IL12RB2: variants seen among roughly 807,000 people sequenced by gnomAD.
The protein encoded by IL12RB2 is interleukin 12 receptor subunit beta 2.
In IL12RB2, 82 loss-of-function variants were observed where a neutral mutation model predicts 89.4. The ratio of observed to expected loss-of-function variants is 0.92; its 90% CI spans 0.77 to 1.10. The LOEUF is 1.10. Ranked by LOEUF, IL12RB2 falls within the 50% of genes least tolerant of loss-of-function variation. IL12RB2 has a pLI of 0.00. For missense variants in IL12RB2, 963 were observed against 1,031.9 expected (o/e 0.93, Z 0.92); for synonymous variants, 368 against 370.1 (o/e 0.99, Z 0.07).
At chr1:67,325,650 A>G (rs990513755) in intron 4 of IL12RB2, among the ~76,000 whole-genome samples, 4 of 152,236 alleles carry the variant, frequency 2.6e-5, no homozygotes, top group African/African-American at 9.6e-5. Context: ...GATTCAACTG[A>G]AGCTCTGACT....
At chr1:67,338,901 C>T (rs1422173225) in intron 9 of IL12RB2, among the ~76,000 whole-genome samples, 198 bp downstream of exon 9, 1 of 152,126 alleles carries the variant, frequency 6.6e-6, no homozygotes, top group African/African-American at 2.4e-5. Flanking sequence ...ACAGTCACAT[C>T]GTTTCAATCC....
In IL12RB2 at chr1:67,367,870, A is replaced by G. The variant is rs1233910206; in HGVS notation, c.1304A>G (p.Asp435Gly). The G allele has an allele frequency of 1.2e-6, 2 of 1,610,032 alleles. No homozygotes were observed. The highest frequency in any genetic ancestry group is 1.7e-6 in the Non-Finnish European group (2 of 1,176,388). Residue 435 changes from aspartate (D) to glycine (G), a missense_variant, in exon 11 of 17, where the codon GAC becomes GGC. Transcript: ENST00000674203. Reference protein sequence around the residue: ...RQVSANSEGMDNILVTWQPPR... With the variant: ...RQVSANSEGMGNILVTWQPPR... ...GTCTCTGCAAACTCAGAGGGCATGG[A>G]CAACATTCTGGTGACTTGGCAGCCT...
chr1:67,365,051 T>C (rs2100961903), intron 10 of IL12RB2, among the ~76,000 whole-genome samples: 1 of 152,298 alleles, frequency 6.6e-6, no homozygotes, highest in East Asian at 1.9e-4. Flanking sequence ...CACTTCTAAA[T>C]AACACATTGG....
intron 13 of IL12RB2, among the ~76,000 whole-genome samples, chr1:67,378,070 T>C (rs1444540467): frequency 6.6e-6 from 1 of 152,120 alleles, no homozygotes; most frequent in Non-Finnish European, 1.5e-5. Flanking sequence ...TGAACTGAGA[T>C]TGTGCCATTG....
Position 67,386,606 on chromosome 1 carries a change from C to T in IL12RB2, c.1883C>T (p.Ala628Val), listed in dbSNP as rs1466635734. 6.2e-6 allele frequency: 10 copies of T among 1,613,308 alleles called. No individual in the cohort carries two copies. Among genetic ancestry groups the T allele is most frequent in the South Asian group, 1.1e-5 (1 of 91,078 alleles). ...AAAGCCAATTGGATGGCGTTTGTGG[C>T]ACCAAGCATTTGCATTGCTATCATC... ...QGKANWMAFVAPSICIAIIMV... is the reference protein window; with the variant it reads ...QGKANWMAFVVPSICIAIIMV... Residue 628 changes from alanine (A) to valine (V), a missense_variant, in exon 15 of 17, where the codon GCA (alanine) becomes GTA (valine). Ala to Val is a moderately conservative substitution (Grantham distance 64). Coordinates refer to ENST00000674203, the MANE Select transcript of IL12RB2 (RefSeq NM_001374259.2).
At chr1:67,341,538 A>G (rs57807235) in intron 9 of IL12RB2, among the ~76,000 whole-genome samples, 55,990 of 104,432 alleles carry the variant, frequency 0.54, 16,446 homozygotes, top group Non-Finnish European at 0.66. Flanking sequence ...AGAGAAAGAA[A>G]GAAAGAAAGA....
intron 13 of IL12RB2, among the ~76,000 whole-genome samples, chr1:67,378,637 G>C (rs893503179): frequency 6.7e-6 from 1 of 148,408 alleles, no homozygotes; most frequent in Admixed American, 6.7e-5. Context: ...AGATCACCAG[G>C]TCAGGAGTTC....
intron 10 of IL12RB2, among the ~76,000 whole-genome samples, chr1:67,365,535 T>C (rs1485499103): frequency 6.6e-6 from 1 of 152,166 alleles, no homozygotes; most frequent in Non-Finnish European, 1.5e-5. Context: ...AATTTGATAA[T>C]CTAGATGAAA....
intron 11 of IL12RB2, among the ~76,000 whole-genome samples, chr1:67,368,771 C>T (rs559788474): frequency 3.9e-5 from 6 of 152,258 alleles, no homozygotes; most frequent in Admixed American, 6.5e-5. Flanking sequence ...GTTACTTAAC[C>T]GCTTTGTGCC....
chr1:67,348,141 C>A (rs559654778), intron 9 of IL12RB2, among the ~76,000 whole-genome samples: 1 of 152,238 alleles, frequency 6.6e-6, no homozygotes, highest in African/African-American at 2.4e-5. Context: ...CTTCTGAGCT[C>A]ACAGCTTGTC....
chr1:67,389,627 T>G (rs1238346727), intron 15 of IL12RB2, among the ~76,000 whole-genome samples: 3 of 152,196 alleles, frequency 2.0e-5, no homozygotes, highest in Admixed American at 2.0e-4. Flanking sequence ...GTTCACATAA[T>G]TTACCTGTCA....
rs367833883 is a variant in IL12RB2, at chr1:67,365,773, T to C, written c.1259-2052T>C. On this transcript the variant is annotated intron_variant, in intron 10 of 16. Coordinates refer to ENST00000674203, the MANE Select transcript of IL12RB2 (RefSeq NM_001374259.2). ...TGTTGGATTTGAATTTAAAAACCCA[T>C]TAAATGTGAAAGGTAAAACTAAAAA... Among the ~76,000 whole-genome samples, 133 of 152,200 alleles carry C rather than the reference T, an allele frequency of 8.7e-4. 1 individual carries two copies. Among genetic ancestry groups the C allele is most frequent in the Non-Finnish European group, 1.6e-3 (110 of 68,012 alleles).
chr1:67,338,493 A>ATACTGG, intron 8 of IL12RB2, 131 bp from the exon 9 acceptor site: 1 of 656,206 alleles, frequency 1.5e-6, no homozygotes, highest in Non-Finnish European at 2.8e-6. Flanking sequence ...AAAAGAAAAA[A>ATACTGG]TACTGGGACA....
Position 67,391,641 on chromosome 1 carries a change from A to AT in IL12RB2, c.2046+1526dup, listed in dbSNP as rs764415306. ...ATAAACATCTCTATGAGGTCGTATG[A>AT]TTTTTTTTTTTTTGAGACAGAGTCT... On this transcript the variant is annotated intron_variant, in intron 16 of 16. Coordinates refer to ENST00000674203, the MANE Select transcript of IL12RB2 (RefSeq NM_001374259.2). Among the ~76,000 whole-genome samples, 1,148 of 143,716 alleles carry AT rather than the reference A, an allele frequency of 8.0e-3. 4 individuals carry two copies. Among genetic ancestry groups the AT allele is most frequent in the African/African-American group, 8.5e-3 (336 of 39,458 alleles). The allele number at this position is 143,716 out of a possible 152,430, so 94.3% of individuals were successfully genotyped here.
intron 14 of IL12RB2, among the ~76,000 whole-genome samples, chr1:67,386,086 G>A (rs1370339066): frequency 1.3e-5 from 2 of 151,954 alleles, no homozygotes; most frequent in East Asian, 3.9e-4. Context: ...GCACACGCCT[G>A]TAGTCCCAGC....
chr1:67,379,487 G>A (rs1010209035), intron 13 of IL12RB2, among the ~76,000 whole-genome samples: 6 of 131,336 alleles, frequency 4.6e-5, no homozygotes, highest in Admixed American at 1.8e-4. Flanking sequence ...TCCAGCCTGG[G>A]CGACAGAGCA....
intron 10 of IL12RB2, among the ~76,000 whole-genome samples, chr1:67,365,986 C>T (rs1487289951): frequency 6.6e-6 from 1 of 152,046 alleles, no homozygotes; most frequent in Non-Finnish European, 1.5e-5. Context: ...AGGTAAGATA[C>T]TGTTGAAAAC....
chr1:67,324,051 T>A (rs1400691311), intron 4 of IL12RB2, among the ~76,000 whole-genome samples: 1 of 152,340 alleles, frequency 6.6e-6, no homozygotes, highest in East Asian at 1.9e-4. Context: ...TAATTACTAA[T>A]TCTAAGAGTA....
chr1:67,338,839 A>AGT, intron 9 of IL12RB2, 136 bp downstream of exon 9: 1 of 700,572 alleles, frequency 1.4e-6, no homozygotes, highest in Non-Finnish European at 2.7e-6. Context: ...GACACACCAC[A>AGT]GTGTCATGTG....
Sources: allele counts gnomAD v4.1 joint callset (sites outside exome capture counted in the v4.1 genomes callset), GRCh38; gene constraint gnomAD v4.1.1; transcripts MANE v1.5; gene names NCBI Gene and HGNC (gene_info 2026-07-23, HGNC 2026-07-21).